LRP1B: variants seen among roughly 807,000 people sequenced by gnomAD.
LRP1B encodes the protein LDL receptor related protein 1B.
Under a neutral mutation model 556.6 loss-of-function variants are expected in LRP1B, and 217 were observed. That is an observed-to-expected ratio of 0.39 (90% CI 0.35 to 0.44). The LOEUF is 0.44. Ranked by LOEUF, LRP1B falls within the 20% of genes least tolerant of loss-of-function variation. The probability of loss-of-function intolerance (pLI) is 1.00; values close to 1 mark genes in which losing one functional copy is unlikely to be tolerated. For synonymous variants in LRP1B, 2,047 were observed against 1,865.8 expected (o/e 1.10, Z -2.50); for missense variants, 5,053 against 5,620.8 (o/e 0.90, Z 3.23).
intron 3 of LRP1B, among the ~76,000 whole-genome samples, chr2:141,387,441 A>G (rs1020041832): frequency 1.3e-5 from 2 of 152,064 alleles, no homozygotes; most frequent in Non-Finnish European, 2.9e-5. Context: ...CAACAAGGGG[A>G]AAAAAAGAGA....
chr2:140,766,837 A>T (rs1191154491), intron 35 of LRP1B, among the ~76,000 whole-genome samples: 3 of 22,582 alleles, frequency 1.3e-4, no homozygotes, highest in Admixed American at 5.8e-4. Context: ...ATATATATAT[A>T]TATATATTAT....
At chr2:141,432,200 A>G (rs1187742817) in intron 3 of LRP1B, among the ~76,000 whole-genome samples, 1 of 152,056 alleles carries the variant, frequency 6.6e-6, no homozygotes, top group Non-Finnish European at 1.5e-5. Flanking sequence ...CTTTTTCTGT[A>G]TCTTTTGAAA....
intron 1 of LRP1B, among the ~76,000 whole-genome samples, chr2:141,954,568 A>G (rs1159928131): frequency 6.6e-6 from 1 of 152,164 alleles, no homozygotes; most frequent in Non-Finnish European, 1.5e-5. Flanking sequence ...TTCTGTGAAT[A>G]TTAAACATAT....
intron 2 of LRP1B, among the ~76,000 whole-genome samples, chr2:141,753,689 C>T (rs1303053665): frequency 1.3e-5 from 2 of 152,080 alleles, no homozygotes; most frequent in African/African-American, 4.8e-5. Flanking sequence ...TGAAACCTCT[C>T]CAATGACTTT....
chr2:141,728,782 G>C (rs913930257), intron 2 of LRP1B, among the ~76,000 whole-genome samples: 1 of 152,124 alleles, frequency 6.6e-6, no homozygotes, highest in Non-Finnish European at 1.5e-5. Context: ...ATTCTGGAAA[G>C]ACTCATACTC....
At chr2:141,225,505 A>G (rs1683211666) in intron 6 of LRP1B, among the ~76,000 whole-genome samples, 3 of 152,132 alleles carry the variant, frequency 2.0e-5, no homozygotes. Flanking sequence ...TTACCACAGT[A>G]TTCTCCAAGA....
At chr2:140,321,236 GT>G (rs11351284) in intron 82 of LRP1B, among the ~76,000 whole-genome samples, 73,185 of 150,998 alleles carry the variant, frequency 0.48, 18,150 homozygotes, top group Non-Finnish European at 0.53. Context: ...ACTGTTTTGT[GT>G]TTTTTTTATT....
chr2:141,693,088 C>T (rs1028329365), intron 2 of LRP1B, among the ~76,000 whole-genome samples: 5 of 152,004 alleles, frequency 3.3e-5, no homozygotes, highest in African/African-American at 4.8e-5. Flanking sequence ...ATGCAGGTCA[C>T]GCATTTACCA....
intron 41 of LRP1B, among the ~76,000 whole-genome samples, chr2:140,677,263 T>G (rs1685703563): frequency 6.6e-6 from 1 of 152,248 alleles, no homozygotes; most frequent in Non-Finnish European, 1.5e-5. Context: ...AGGGAACTTG[T>G]GAAAGATGGC....
At chr2:141,434,690 C>T (rs1434877807) in intron 3 of LRP1B, among the ~76,000 whole-genome samples, 1 of 152,072 alleles carries the variant, frequency 6.6e-6, no homozygotes, top group Non-Finnish European at 1.5e-5. Context: ...TGGCTGAAAA[C>T]TGGACATTTT....
intron 2 of LRP1B, among the ~76,000 whole-genome samples, chr2:141,741,263 CTTTTTTTTTT>C (rs11326947): frequency 1.0e-4 from 6 of 57,982 alleles, no homozygotes; most frequent in South Asian, 6.3e-4. Flanking sequence ...TACTGATTTC[CTTTTTTTTTT>C]TTTTTTTTTT....
intron 2 of LRP1B, among the ~76,000 whole-genome samples, chr2:141,574,883 G>T (rs556691053): frequency 6.6e-6 from 1 of 151,948 alleles, no homozygotes; most frequent in African/African-American, 2.4e-5. Context: ...GAATACCTAG[G>T]AATACAGCTA....
chr2:141,184,894 T>C (rs1031135291), intron 7 of LRP1B, among the ~76,000 whole-genome samples: 4 of 152,108 alleles, frequency 2.6e-5, no homozygotes, highest in Non-Finnish European at 5.9e-5. Context: ...CTCTCCTCTT[T>C]TTCTCAACAC....
intron 31 of LRP1B, among the ~76,000 whole-genome samples, chr2:140,828,714 C>T (rs796743395): frequency 9.3e-5 from 5 of 53,910 alleles, no homozygotes; most frequent in East Asian, 5.4e-4. Flanking sequence ...GGCGTGAACC[C>T]GGGAGGCGGA....
At chr2:141,233,167 G>T (rs1683533435) in intron 5 of LRP1B, among the ~76,000 whole-genome samples, 1 of 152,120 alleles carries the variant, frequency 6.6e-6, no homozygotes, top group African/African-American at 2.4e-5. Context: ...TCAGTCAAAG[G>T]GATACCTGTG....
intron 41 of LRP1B, among the ~76,000 whole-genome samples, chr2:140,648,089 C>A (rs985169194): frequency 6.6e-6 from 1 of 152,168 alleles, no homozygotes; most frequent in Non-Finnish European, 1.5e-5. Flanking sequence ...CACATATATA[C>A]CATGGAATAC....
At chr2:141,842,097 T>G (rs1697497168) in intron 1 of LRP1B, among the ~76,000 whole-genome samples, 1 of 152,128 alleles carries the variant, frequency 6.6e-6, no homozygotes, top group African/African-American at 2.4e-5. Context: ...GGTTGCTAAC[T>G]GGACGACTGT....
intron 86 of LRP1B, among the ~76,000 whole-genome samples, chr2:140,253,324 A>T (rs2104911322): frequency 6.6e-6 from 1 of 152,212 alleles, no homozygotes; most frequent in Middle Eastern, 3.4e-3. Context: ...ATATTCAATA[A>T]AGTGTTTATT....
At chr2:140,700,749 C>A (rs1218273667) in intron 40 of LRP1B, 128 bp from the exon 41 acceptor site, 32 of 968,952 alleles carry the variant, frequency 3.3e-5, no homozygotes, top group Admixed American at 2.6e-5. Flanking sequence ...TAATTTTAAG[C>A]TGGTCAATAA....
Sources: gnomAD v4.1 joint callset for allele counts (sites outside exome capture counted in the v4.1 genomes callset) on GRCh38, gnomAD v4.1.1 for gene constraint, MANE v1.5 for transcripts, NCBI Gene and HGNC (gene_info 2026-07-23, HGNC 2026-07-21) for gene names.